JMJD1C: variants seen among roughly 807,000 people sequenced by gnomAD.
JMJD1C encodes jumonji domain containing 1C.
JMJD1C carries 31 observed loss-of-function variants against 245.3 expected under a neutral mutation model. The observed-to-expected ratio is 0.13, with a 90% CI of 0.09 to 0.17. The LOEUF is 0.17. JMJD1C is among the 10% of genes least tolerant of loss of function. JMJD1C has a pLI of 1.00. For synonymous variants in JMJD1C, 1,057 were observed against 1,017.4 expected, an observed-to-expected ratio of 1.04 and a Z score of -0.74; for missense variants, 2,691 against 3,000.2, an observed-to-expected ratio of 0.90 and a Z score of 2.41.
At chr10:63,311,457 A>T (rs1939189253) in intron 2 of JMJD1C, among the ~76,000 whole-genome samples, 1 of 152,190 alleles carries the variant, frequency 6.6e-6, no homozygotes, top group Non-Finnish European at 1.5e-5. Flanking sequence ...TCACGTGTCC[A>T]TCATGGAGAA....
At chr10:63,325,198 T>C (rs1941367063) in intron 2 of JMJD1C, among the ~76,000 whole-genome samples, 1 of 152,180 alleles carries the variant, frequency 6.6e-6, no homozygotes, top group Non-Finnish European at 1.5e-5. Context: ...GTAGAAAGCA[T>C]GGGGATTAAC....
In JMJD1C at chr10:63,272,476, C is replaced by G. The variant is rs1465730260; in HGVS notation, c.334-7712G>C. 3.9e-5 allele frequency among the ~76,000 whole-genome samples: 6 copies of G among 152,270 alleles called. No individual in the cohort carries two copies. The East Asian group carries it at 1.2e-3, about 29-fold the overall frequency. On this transcript the variant is annotated intron_variant, in intron 2 of 25. Coordinates refer to ENST00000399262, the MANE Select transcript of JMJD1C (RefSeq NM_032776.3). ...ATGCTGACCAGGCTGGTCTCAAACT[C>G]CTGACCTCAGGTGATCCACCCGCCT... is the stretch of plus-strand genomic sequence containing the variant.
At chr10:63,291,584 C>A (rs1289297153) in intron 2 of JMJD1C, among the ~76,000 whole-genome samples, 2 of 148,858 alleles carry the variant, frequency 1.3e-5, no homozygotes, top group East Asian at 3.9e-4. Context: ...CACTGCACTA[C>A]AGCCTGGGCA....
intron 2 of JMJD1C, among the ~76,000 whole-genome samples, chr10:63,328,374 G>A (rs1941770493): frequency 6.6e-6 from 1 of 152,046 alleles, no homozygotes; most frequent in Non-Finnish European, 1.5e-5. Flanking sequence ...GGAAAAAGCT[G>A]GCAATATGTT....
chr10:63,323,564 A>T (rs559641868), intron 2 of JMJD1C, among the ~76,000 whole-genome samples: 2 of 152,308 alleles, frequency 1.3e-5, no homozygotes, highest in African/African-American at 4.8e-5. Context: ...TTTCTGAAGC[A>T]CAAGTTATAA....
intron 10 of JMJD1C, 62 bp from the exon 11 acceptor site, chr10:63,200,739 G>C: frequency 7.2e-7 from 1 of 1,395,126 alleles, no homozygotes; most frequent in Non-Finnish European, 1.0e-6. Context: ...AACTCCTTGA[G>C]ATGAAATTCA....
intron 2 of JMJD1C, among the ~76,000 whole-genome samples, chr10:63,351,803 A>G (rs1035050580): frequency 6.6e-6 from 1 of 152,064 alleles, no homozygotes; most frequent in African/African-American, 2.4e-5. Flanking sequence ...ATACGGCTTA[A>G]AAAAAAATCC....
chr10:63,353,149 A>G (rs973540651), intron 2 of JMJD1C, among the ~76,000 whole-genome samples: 6 of 152,206 alleles, frequency 3.9e-5, no homozygotes, highest in Non-Finnish European at 8.8e-5. Flanking sequence ...CAGCCCTTTC[A>G]TGAAGACATA....
intron 2 of JMJD1C, among the ~76,000 whole-genome samples, chr10:63,333,853 C>A (rs1564799056): frequency 6.6e-6 from 1 of 152,030 alleles, no homozygotes; most frequent in African/African-American, 2.4e-5. Context: ...GATATAATTT[C>A]TTAGTTAAAT....
At chr10:63,302,078 GGGATCAC>G (rs1036678489) in intron 2 of JMJD1C, among the ~76,000 whole-genome samples, 24 of 152,216 alleles carry the variant, frequency 1.6e-4, no homozygotes, top group African/African-American at 5.8e-4. Flanking sequence ...GTGCAGTGGT[GGGATCAC>G]GGCTAACTGC....
rs535444756 is a variant in JMJD1C at position 63,357,783 on chromosome 10, G to C, written c.333+22535C>G. ...ATGAATGAAATTATCTCCCAACACAGATAGGATGCTGTGTTTAAAATGTCA... is the reference window on the plus strand; with the variant it reads ...ATGAATGAAATTATCTCCCAACACACATAGGATGCTGTGTTTAAAATGTCA... On this transcript the variant is annotated intron_variant, in intron 2 of 25. Transcript: ENST00000399262. Among the ~76,000 whole-genome samples, 325 of 150,754 alleles carry C rather than the reference G, an allele frequency of 2.2e-3. 2 individuals carry two copies. The highest frequency in any genetic ancestry group is 7.7e-3 in the African/African-American group (315 of 41,006).
At chr10:63,448,617 T>G (rs1392006409) in intron 1 of JMJD1C, among the ~76,000 whole-genome samples, 1 of 152,240 alleles carries the variant, frequency 6.6e-6, no homozygotes, top group African/African-American at 2.4e-5. Flanking sequence ...CAGTTTGCTA[T>G]TCTCCAAATT....
intron 1 of JMJD1C, among the ~76,000 whole-genome samples, chr10:63,452,339 T>C (rs1952122031): frequency 6.6e-6 from 1 of 152,214 alleles, no homozygotes; most frequent in Admixed American, 6.5e-5. Flanking sequence ...CATGAAAAGA[T>C]GCTCAAAAAT....
intron 1 of JMJD1C, among the ~76,000 whole-genome samples, chr10:63,506,866 A>G (rs1014084393): frequency 6.6e-6 from 1 of 152,232 alleles, no homozygotes; most frequent in African/African-American, 2.4e-5. Flanking sequence ...TGTATGCACT[A>G]TTATAGTACT....
At chr10:63,504,908 C>T (rs562834880) in intron 1 of JMJD1C, among the ~76,000 whole-genome samples, 2 of 152,264 alleles carry the variant, frequency 1.3e-5, no homozygotes, top group South Asian at 4.1e-4. Flanking sequence ...GCAGTCCCAG[C>T]TACTCGGGAG....
intron 1 of JMJD1C, among the ~76,000 whole-genome samples, chr10:63,420,549 A>G (rs1950061176): frequency 6.6e-6 from 1 of 151,616 alleles, no homozygotes; most frequent in Non-Finnish European, 1.5e-5. Flanking sequence ...CACATAAAAT[A>G]CAAAAATTAG....
chr10:63,288,326 C>T (rs1245034374), intron 2 of JMJD1C, among the ~76,000 whole-genome samples: 1 of 152,176 alleles, frequency 6.6e-6, no homozygotes, highest in Non-Finnish European at 1.5e-5. Context: ...CTTAATAGCA[C>T]ATTTCTTTTT....
At chr10:63,282,756 G>A (rs569989849) in intron 2 of JMJD1C, among the ~76,000 whole-genome samples, 3 of 152,058 alleles carry the variant, frequency 2.0e-5, no homozygotes, top group Admixed American at 1.3e-4. Flanking sequence ...TTGCTCTATC[G>A]CCCAGGCTGG....
intron 10 of JMJD1C, chr10:63,203,491 T>C (rs1846253931): frequency 1.0e-6 from 1 of 983,996 alleles, no homozygotes; most frequent in African/African-American, 1.7e-5. Context: ...TAAAAAATAT[T>C]TTTTTGGAGA....
Sources: allele counts gnomAD v4.1 joint callset (sites outside exome capture counted in the v4.1 genomes callset), GRCh38; gene constraint gnomAD v4.1.1; transcripts MANE v1.5; gene names NCBI Gene and HGNC (gene_info 2026-07-23, HGNC 2026-07-21).